Variants in NSD1 observed in about 807,000 individuals in gnomAD.
NSD1 encodes nuclear receptor binding SET domain protein 1, also known as histone-lysine N-methyltransferase, H3 lysine-36 specific.
NSD1 carries 26 observed loss-of-function variants against 242.7 expected under a neutral mutation model. That is an observed-to-expected ratio of 0.11 (90% CI 0.08 to 0.15). The LOEUF (loss-of-function observed/expected upper bound fraction) is 0.15, where lower values mean the gene tolerates loss of function less well. NSD1 is among the 10% of genes least tolerant of loss of function. The pLI, the probability that NSD1 is intolerant of heterozygous loss-of-function variation, is 1.00. For missense variants in NSD1, 2,495 were observed against 3,272.8 expected, an observed-to-expected ratio of 0.76 and a Z score of 5.80; for synonymous variants, 1,106 against 1,178.1, an observed-to-expected ratio of 0.94 and a Z score of 1.25.
intron 14 of NSD1, among the ~76,000 whole-genome samples, chr5:177,264,138 C>T (rs182823098): frequency 2.0e-5 from 3 of 147,876 alleles, no homozygotes; most frequent in Admixed American, 1.4e-4. Context: ...CGGGTTCAAG[C>T]GATCCTCCTG....
At chr5:177,251,044 G>T (rs371984240) in intron 11 of NSD1, among the ~76,000 whole-genome samples, 1 of 152,218 alleles carries the variant, frequency 6.6e-6, no homozygotes, top group South Asian at 2.1e-4. Context: ...ACAAAAATTA[G>T]CTGGGCATGG....
rs1562278430 is a variant in NSD1 at position 177,267,615 on chromosome 5, C to A, written c.5200C>A (p.Leu1734Met). ...CCCTGCTGCTTTTCATCGTGAATGC[C>A]TGAACATTGATATCCCTGAAGGAAA... is the stretch of plus-strand genomic sequence containing the variant. Reference protein sequence around the residue: ...SCPAAFHRECLNIDIPEGNWY... With the variant: ...SCPAAFHRECMNIDIPEGNWY... Residue 1734 changes from leucine (L) to methionine (M), a missense_variant, in exon 15 of 23, where the codon CTG (leucine) becomes ATG (methionine). Physicochemically the swap from Leu to Met is conservative, Grantham distance 15. Around this residue, in one of 19 missense-constraint regions of NSD1, gnomAD observed 31 missense variants for 120.2 expected, o/e 0.26. Coordinates refer to ENST00000439151, the MANE Select transcript of NSD1 (RefSeq NM_022455.5). 1 of 1,614,036 alleles carries A rather than the reference C, an allele frequency of 6.2e-7. No homozygotes were observed. Among genetic ancestry groups the A allele is most frequent in the Non-Finnish European group, 8.5e-7 (1 of 1,179,984 alleles).
intron 14 of NSD1, chr5:177,264,838 G>C: frequency 2.6e-6 from 2 of 757,286 alleles, no homozygotes; most frequent in Middle Eastern, 5.1e-4. Context: ...ACATGGAGTT[G>C]TTCCTTTGGC....
Position 177,238,097 on chromosome 5 carries a change from C to T in NSD1, c.3922-140C>T. 1.1e-6 allele frequency: 1 copy of T among 872,062 alleles called. No homozygotes were observed. The highest frequency in any genetic ancestry group is 1.9e-6 in the Non-Finnish European group (1 of 523,868). The allele number at this position is 872,062 out of a possible 1,614,324, so 54.0% of individuals were successfully genotyped here. ...TTGTGTCTTAAGTAATTTCCCTTAGCATACATAATGTCTTCAAGGTTCATC... is the reference window on the plus strand; with the variant it reads ...TTGTGTCTTAAGTAATTTCCCTTAGTATACATAATGTCTTCAAGGTTCATC... On this transcript the variant is annotated intron_variant, in intron 6 of 22. Transcript: ENST00000439151. This position sits in a 1 kb window ranked among gnomAD's most constrained non-coding sequence, Gnocchi z 4.6.
chr5:177,190,962 C>G (rs1010430850), intron 2 of NSD1, among the ~76,000 whole-genome samples: 1 of 145,536 alleles, frequency 6.9e-6, no homozygotes, highest in African/African-American at 2.6e-5. Flanking sequence ...CCACTGCACC[C>G]AGCCTTTTTT....
At chr5:177,220,935 G>A in intron 5 of NSD1, 1 of 437,622 alleles carries the variant, frequency 2.3e-6, no homozygotes, top group East Asian at 7.5e-5. Context: ...GGCAATCTCA[G>A]CTCACTGCAA....
intron 2 of NSD1, among the ~76,000 whole-genome samples, chr5:177,156,418 A>G (rs923459834): frequency 2.6e-5 from 4 of 151,976 alleles, no homozygotes; most frequent in Admixed American, 2.6e-4. Flanking sequence ...AGACCTCGTG[A>G]TCTGTCTTCC....
At chr5:177,176,533 G>A (rs1361492099) in intron 2 of NSD1, among the ~76,000 whole-genome samples, 1 of 151,808 alleles carries the variant, frequency 6.6e-6, no homozygotes, top group Non-Finnish European at 1.5e-5. Context: ...CTGTGCTTAA[G>A]CAATCCTCTC....
chr5:177,241,692 C>T (rs1399271697), intron 8 of NSD1, among the ~76,000 whole-genome samples: 3 of 152,098 alleles, frequency 2.0e-5, no homozygotes, highest in Non-Finnish European at 4.4e-5. Flanking sequence ...TTGGTTATGG[C>T]TAGCACCAAA....
chr5:177,191,069 C>A (rs945873139), intron 2 of NSD1, among the ~76,000 whole-genome samples: 4 of 149,960 alleles, frequency 2.7e-5, no homozygotes, highest in Admixed American at 1.3e-4. Flanking sequence ...AGGGTTCAAG[C>A]GATTCTCCTG....
chr5:177,259,881 A>T, intron 13 of NSD1, 108 bp from the exon 14 acceptor site: 1 of 1,234,142 alleles, frequency 8.1e-7, no homozygotes, highest in Non-Finnish European at 1.2e-6. Flanking sequence ...CATTCCTTCT[A>T]TTTGTGACAT....
chr5:177,161,680 C>CT (rs57657595), intron 2 of NSD1, among the ~76,000 whole-genome samples: 40,051 of 135,070 alleles, frequency 0.3, 5,751 homozygotes, highest in East Asian at 0.46. Flanking sequence ...TTCTTTCTTT[C>CT]TTTTTTTTTT....
intron 11 of NSD1, among the ~76,000 whole-genome samples, chr5:177,249,463 A>G (rs939559573): frequency 2.0e-5 from 3 of 150,644 alleles, no homozygotes; most frequent in Non-Finnish European, 4.4e-5. Context: ...TTAATTATTT[A>G]TTTATTTATT....
intron 2 of NSD1, among the ~76,000 whole-genome samples, chr5:177,190,341 G>A (rs1761563097): frequency 1.3e-5 from 2 of 152,236 alleles, no homozygotes; most frequent in Non-Finnish European, 2.9e-5. Context: ...GTGCAGTGGC[G>A]CAATCTTGGC....
At chr5:177,260,200 C>A in intron 14 of NSD1, 32 bp downstream of exon 14, 1 of 1,594,812 alleles carries the variant, frequency 6.3e-7, no homozygotes, top group South Asian at 1.1e-5. Flanking sequence ...TATTTGTAGT[C>A]TAAAAAGGGA....
At chr5:177,283,287 T>G (rs147351463) in intron 19 of NSD1, among the ~76,000 whole-genome samples, 50 of 152,352 alleles carry the variant, frequency 3.3e-4, no homozygotes, top group African/African-American at 1.2e-3. Context: ...TCTTGGTATT[T>G]ACCTTTGTAA....
intron 21 of NSD1, among the ~76,000 whole-genome samples, chr5:177,291,310 G>A (rs1272639685): frequency 6.6e-6 from 1 of 152,216 alleles, no homozygotes; most frequent in Non-Finnish European, 1.5e-5. Flanking sequence ...AAATAGGCAT[G>A]TGTACCCACA....
At chr5:177,252,775 T>C (rs1013048052) in intron 12 of NSD1, among the ~76,000 whole-genome samples, 6 of 150,060 alleles carry the variant, frequency 4.0e-5, no homozygotes, top group African/African-American at 1.2e-4. Context: ...GGCTGGAAAG[T>C]GTTCTCTCGC....
chr5:177,232,351 ATGT>A (rs1251017403), intron 5 of NSD1, among the ~76,000 whole-genome samples: 1 of 152,174 alleles, frequency 6.6e-6, no homozygotes, highest in Non-Finnish European at 1.5e-5. Flanking sequence ...ATCCATAGAG[ATGT>A]TGTTTAAAAT....
Sources: allele counts gnomAD v4.1 joint callset (sites outside exome capture counted in the v4.1 genomes callset), GRCh38; gene constraint gnomAD v4.1.1; regional missense constraint gnomAD v4.1.1; non-coding constraint Gnocchi (gnomAD v3.1); transcripts MANE v1.5; gene names NCBI Gene and HGNC (gene_info 2026-07-23, HGNC 2026-07-21).